Variants in ZNF431 observed in about 807,000 individuals in gnomAD.
ZNF431 encodes the protein zinc finger protein 431.
In ZNF431, 34 loss-of-function variants were observed where a neutral mutation model predicts 57.0. That is an observed-to-expected ratio of 0.60 (90% CI 0.45 to 0.79). The LOEUF is 0.79. ZNF431 is among the 30% of genes least tolerant of loss of function. The pLI, the probability that ZNF431 is intolerant of heterozygous loss-of-function variation, is 0.00. For synonymous variants in ZNF431, 207 were observed against 220.3 expected (o/e 0.94, Z 0.54); for missense variants, 607 against 667.1 (o/e 0.91, Z 0.99).
intron 2 of ZNF431, among the ~76,000 whole-genome samples, chr19:21,157,849 T>A (rs1318759905): frequency 6.2e-5 from 6 of 96,354 alleles, no homozygotes; most frequent in Non-Finnish European, 1.5e-4. Flanking sequence ...TTTTAATGAA[T>A]TTTTTTTTTT....
intron 2 of ZNF431, among the ~76,000 whole-genome samples, chr19:21,152,564 T>A (rs2144945202): frequency 6.6e-6 from 1 of 152,326 alleles, no homozygotes; most frequent in African/African-American, 2.4e-5. Context: ...CGGATTTTAC[T>A]GAGAGGGGTC....
chr19:21,166,716 T>A (rs960565786), intron 3 of ZNF431, among the ~76,000 whole-genome samples: 1 of 152,216 alleles, frequency 6.6e-6, no homozygotes, highest in Admixed American at 6.5e-5. Context: ...TTTAGTGGCA[T>A]AAAATATCAC....
intron 4 of ZNF431, among the ~76,000 whole-genome samples, chr19:21,170,981 T>A (rs1970871320): frequency 6.6e-6 from 1 of 152,202 alleles, no homozygotes; most frequent in Non-Finnish European, 1.5e-5. Context: ...CCCAACATAA[T>A]TTATTTCTAA....
In ZNF431 at chr19:21,193,813, A is replaced by G. The variant is rs1462540071; in HGVS notation, c.*9779A>G. 2 of 152,244 alleles carry G rather than the reference A, an allele frequency of 1.3e-5. No homozygotes were observed. The highest frequency in any genetic ancestry group is 2.9e-5 in the Non-Finnish European group (2 of 68,044). The allele number at this position is 152,244 out of a possible 1,614,324, so 9.4% of individuals were successfully genotyped here. ...ATATGATTAACACAATAGATGCAGAAAAAGCATTCAAGAAAATCCAGTATT... is the reference window on the plus strand; with the variant it reads ...ATATGATTAACACAATAGATGCAGAGAAAGCATTCAAGAAAATCCAGTATT... On this transcript the variant is annotated 3_prime_UTR_variant, in exon 5 of 5. Coordinates refer to ENST00000311048, the MANE Select transcript of ZNF431 (RefSeq NM_133473.4).
intron 4 of ZNF431, 26 bp downstream of exon 4, chr19:21,167,692 T>A: frequency 6.7e-7 from 1 of 1,487,010 alleles, no homozygotes. Context: ...AAAAAACAGA[T>A]GACACAGATG....
intron 2 of ZNF431, chr19:21,149,724 A>T (rs1055830430): frequency 3.3e-5 from 20 of 611,964 alleles, no homozygotes; most frequent in Admixed American, 7.8e-5. Flanking sequence ...CTTGAGACCC[A>T]GGGCCTTCCC....
chr19:21,186,140 A>C lies in ZNF431; in HGVS notation c.*2106A>C, dbSNP rs1354522952. On this transcript the variant is annotated 3_prime_UTR_variant, in exon 5 of 5. Coordinates refer to ENST00000311048, the MANE Select transcript of ZNF431 (RefSeq NM_133473.4). ...TCTACTAAAAATACAAAAATTAGCC[A>C]GGCGTGGTGGCATGTGCCTGTAATC... The C allele has an allele frequency of 6.6e-6, 1 of 151,940 alleles. No homozygotes were observed. The highest frequency in any genetic ancestry group is 1.5e-5 in the Non-Finnish European group (1 of 68,024). 9.4% of individuals were successfully genotyped at this position (151,940 alleles called of 1,614,324 possible).
At position 21,194,163 on chromosome 19, in the gene ZNF431, C is replaced by T. The variant is rs1487035924; in HGVS notation, c.*10129C>T. On this transcript the variant is annotated 3_prime_UTR_variant, in exon 5 of 5. Coordinates refer to ENST00000311048, the MANE Select transcript of ZNF431 (RefSeq NM_133473.4). ...GTTAAAAATGACTTCAGCAAAGTCT[C>T]AGGATACAAAATTGATATACAAAAA... The T allele has an allele frequency of 6.6e-6, 1 of 152,162 alleles. No individual in the cohort carries two copies. Among genetic ancestry groups the T allele is most frequent in the Non-Finnish European group, 1.5e-5 (1 of 68,026 alleles). The allele number at this position is 152,162 out of a possible 1,614,324, so 9.4% of individuals were successfully genotyped here. A position where few individuals can be genotyped will look rare whatever the true frequency, so the allele number is the denominator to read the frequency against.
chr19:21,180,888 C>T lies in ZNF431; in HGVS notation c.320-1735C>T, dbSNP rs150717309. ...CTTGAACCCAGGAGGCGGATGTTGC[C>T]GTGAGCTAAGATTGCACCATCCAGC... On this transcript the variant is annotated intron_variant, in intron 4 of 4. Transcript: ENST00000311048. Among the ~76,000 whole-genome samples, 317 of 150,360 alleles carry T rather than the reference C, an allele frequency of 2.1e-3. 2 individuals carry two copies. The highest frequency in any genetic ancestry group is 7.2e-3 in the African/African-American group (294 of 40,894).
chr19:21,190,064 G>C lies in ZNF431; in HGVS notation c.*6030G>C, dbSNP rs1455913108. ...CAGGCCTGTAATCTCAGCTACTCCA[G>C]AGGCTGAGGCATGAGAATCCCTTGA... On this transcript the variant is annotated 3_prime_UTR_variant, in exon 5 of 5. Coordinates refer to ENST00000311048, the MANE Select transcript of ZNF431 (RefSeq NM_133473.4). 11 of 384,782 alleles carry C rather than the reference G, an allele frequency of 2.9e-5. No homozygotes were observed. In the East Asian group the frequency reaches 4.0e-4, roughly 14 times the overall value. 23.8% of individuals were successfully genotyped at this position (384,782 alleles called of 1,614,324 possible).
rs1356238147 is a variant in ZNF431 at position 21,183,503 on chromosome 19, C to A, written c.1200C>A (p.Tyr400Ter). Reference protein sequence around the residue: ...HKRIHTGEKPYKCEVCGKAFN... With the variant: ...HKRIHTGEKP ...GAATTCATACTGGAGAGAAACCCTACAAATGTGAAGTGTGTGGCAAAGCCT... is the reference window on the plus strand; with the variant it reads ...GAATTCATACTGGAGAGAAACCCTAAAAATGTGAAGTGTGTGGCAAAGCCT... Residue 400 changes from tyrosine (Y) to a stop codon, truncating the protein, a stop_gained, in exon 5 of 5, where the codon TAC (tyrosine) becomes TAA (stop). Transcript: ENST00000311048. LOFTEE classifies it high-confidence loss of function. The A allele has an allele frequency of 6.2e-7, 1 of 1,613,680 alleles. No homozygotes were observed. The highest frequency in any genetic ancestry group is 8.5e-7 in the Non-Finnish European group (1 of 1,179,940).
rs938578310 is a variant in ZNF431, at chr19:21,162,844, A to G, written c.97-3491A>G. On this transcript the variant is annotated intron_variant, in intron 2 of 4. Coordinates refer to ENST00000311048, the MANE Select transcript of ZNF431 (RefSeq NM_133473.4). Reference sequence around the variant, plus strand: ...TGCTTACAGAAATATTCCATTTAGCAACTTGTTTTCTATTCCTGCAGATCC... The same window carrying G: ...TGCTTACAGAAATATTCCATTTAGCGACTTGTTTTCTATTCCTGCAGATCC... 4 of 789,316 alleles carry G rather than the reference A, an allele frequency of 5.1e-6. No homozygotes were observed. In the African/African-American group the frequency reaches 7.5e-5, roughly 15 times the overall value. The allele number at this position is 789,316 out of a possible 1,614,324, so 48.9% of individuals were successfully genotyped here. A position where few individuals can be genotyped will look rare whatever the true frequency, so the allele number is the denominator to read the frequency against.
Position 21,194,262 on chromosome 19 carries a change from A to G in ZNF431, c.*10228A>G, listed in dbSNP as rs1294127484. On this transcript the variant is annotated 3_prime_UTR_variant, in exon 5 of 5. Transcript: ENST00000311048. ...AAGAACAGTTTTCTTTACAATAGCCATAAACAAAAAATAATATACTTAGAA... is the reference window on the plus strand; with the variant it reads ...AAGAACAGTTTTCTTTACAATAGCCGTAAACAAAAAATAATATACTTAGAA... The G allele has an allele frequency of 2.0e-5, 3 of 152,200 alleles. No homozygotes were observed. The highest frequency in any genetic ancestry group is 7.2e-5 in the African/African-American group (3 of 41,454). 9.4% of individuals were successfully genotyped at this position (152,200 alleles called of 1,614,324 possible).
In ZNF431 at chr19:21,142,083, C is replaced by T. The variant is rs1157587928; in HGVS notation, c.-101C>T. ...AGCTCCAGGTCTCCCCTTCGCTGCT[C>T]TGTGTCCTCTGCTCCTAGAGGCCCA... is the stretch of plus-strand genomic sequence containing the variant. On this transcript the variant is annotated 5_prime_UTR_variant, in exon 1 of 5. Transcript: ENST00000311048. The T allele has an allele frequency of 5.3e-6, 8 of 1,512,980 alleles. No homozygotes were observed. Among genetic ancestry groups the T allele is most frequent in the Admixed American group, 1.7e-5 (1 of 58,948 alleles). The allele number at this position is 1,512,980 out of a possible 1,614,324, so 93.7% of individuals were successfully genotyped here. A position where few individuals can be genotyped will look rare whatever the true frequency, so the allele number is the denominator to read the frequency against.
chr19:21,183,371 C>T lies in ZNF431; in HGVS notation c.1068C>T (p.Phe356=). The stretch of plus-strand genomic sequence containing the variant: ...AATGTGACAAAGCTTTTAATCGATT[C>T]TCATACCTTACTAAACATAAGATAA... ...CEECDKAFNR[F]SYLTKHKIIH... Residue 356 remains phenylalanine, a synonymous_variant, in exon 5 of 5, where the codon TTC becomes TTT. Coordinates refer to ENST00000311048, the MANE Select transcript of ZNF431 (RefSeq NM_133473.4). The T allele has an allele frequency of 6.2e-7, 1 of 1,613,564 alleles. No individual in the cohort carries two copies. Among genetic ancestry groups the T allele is most frequent in the Non-Finnish European group, 8.5e-7 (1 of 1,179,772 alleles).
At chr19:21,145,458 C>A (rs1970059133) in intron 2 of ZNF431, among the ~76,000 whole-genome samples, 1 of 152,170 alleles carries the variant, frequency 6.6e-6, no homozygotes, top group Admixed American at 6.5e-5. Context: ...GCCTGGGCGA[C>A]AGAGCGAGAC....
chr19:21,166,160 G>A (rs1400029315), intron 2 of ZNF431, among the ~76,000 whole-genome samples, 175 bp from the exon 3 acceptor site: 1 of 148,418 alleles, frequency 6.7e-6, no homozygotes, highest in Non-Finnish European at 1.5e-5. Context: ...TGCCCTCAGA[G>A]TAGGAGAATA....
At chr19:21,179,848 C>A (rs1971165059) in intron 4 of ZNF431, among the ~76,000 whole-genome samples, 2 of 152,078 alleles carry the variant, frequency 1.3e-5, no homozygotes, top group African/African-American at 4.8e-5. Flanking sequence ...GTGTGAGCCA[C>A]CACGCCCGGC....
intron 2 of ZNF431, among the ~76,000 whole-genome samples, chr19:21,163,382 C>T (rs918134922): frequency 1.2e-4 from 18 of 152,138 alleles, no homozygotes; most frequent in African/African-American, 4.1e-4. Flanking sequence ...GTGCTGTGCC[C>T]GCTTTCTCTA....
Sources: gnomAD v4.1 joint callset for allele counts (sites outside exome capture counted in the v4.1 genomes callset) on GRCh38, gnomAD v4.1.1 for gene constraint, MANE v1.5 for transcripts, NCBI Gene and HGNC (gene_info 2026-07-23, HGNC 2026-07-21) for gene names.